The following ANK2 variants were observed in gnomAD, a reference collection of about 807,000 sequenced individuals.
The protein encoded by ANK2 is ankyrin-2.
Under a neutral mutation model 360.5 loss-of-function variants are expected in ANK2, and 83 were observed. The observed-to-expected ratio is 0.23, with a 90% CI of 0.19 to 0.28. The LOEUF (loss-of-function observed/expected upper bound fraction) is 0.28. ANK2 is among the 10% of genes least tolerant of loss of function. ANK2 has a pLI of 1.00. For missense variants in ANK2, 4,201 were observed against 4,795.7 expected, an observed-to-expected ratio of 0.88 and a Z score of 3.66; for synonymous variants, 1,740 against 1,759.5, an observed-to-expected ratio of 0.99 and a Z score of 0.28.
At chr4:113,300,859 T>C (rs960702231) in intron 22 of ANK2, among the ~76,000 whole-genome samples, 1 of 152,208 alleles carries the variant, frequency 6.6e-6, no homozygotes, top group Non-Finnish European at 1.5e-5. Flanking sequence ...TAATCAGTTT[T>C]CTGAAGAAAA....
chr4:112,880,068 T>C (rs73840922), intron 1 of ANK2, among the ~76,000 whole-genome samples: 8,672 of 151,406 alleles, frequency 0.057, 252 homozygotes, highest in Middle Eastern at 0.079. Context: ...ACACACTCTC[T>C]CTCTCTCACA....
intron 9 of ANK2, among the ~76,000 whole-genome samples, chr4:113,245,711 G>A (rs908798226): frequency 6.6e-6 from 1 of 152,144 alleles, no homozygotes; most frequent in Non-Finnish European, 1.5e-5. Context: ...GATTTAGGTG[G>A]TGACGCCTAA....
chr4:112,836,400 A>C (rs1019957278), intron 1 of ANK2, among the ~76,000 whole-genome samples: 3 of 152,166 alleles, frequency 2.0e-5, no homozygotes, highest in African/African-American at 7.2e-5. Flanking sequence ...AATAAAGAGA[A>C]TTGGTACCAA....
At chr4:113,153,065 A>G (rs186576777) in intron 1 of ANK2, among the ~76,000 whole-genome samples, 16 of 152,196 alleles carry the variant, frequency 1.1e-4, no homozygotes, top group African/African-American at 3.4e-4. Flanking sequence ...TGTTGCTGAC[A>G]TACAGTTTAT....
At chr4:112,764,733 G>A in the ANK2 span, among the ~76,000 whole-genome samples, 2 of 145,570 alleles carry the variant, frequency 1.4e-5, no homozygotes, top group African/African-American at 2.6e-5. Flanking sequence ...TTGAGACGGA[G>A]TTTCATTCTT....
chr4:113,300,485 C>T (rs1034215314), intron 22 of ANK2, among the ~76,000 whole-genome samples: 3 of 152,214 alleles, frequency 2.0e-5, no homozygotes, highest in Admixed American at 2.0e-4. Context: ...CAATCTTCCT[C>T]TTAAATGACT....
intron 2 of ANK2, among the ~76,000 whole-genome samples, chr4:112,911,460 G>C (rs571571005): frequency 6.1e-4 from 93 of 151,878 alleles, no homozygotes; most frequent in African/African-American, 2.2e-3. Context: ...GAGGCGGAGC[G>C]TGCAGTGAGC....
intron 10 of ANK2, among the ~76,000 whole-genome samples, chr4:113,250,755 G>GCCC (rs10659682): frequency 0.027 from 1,620 of 59,874 alleles, 288 homozygotes; most frequent in South Asian, 0.045. Context: ...TCATACCACC[G>GCCC]CCCCCCCCCC....
At chr4:112,986,919 A>G (rs2045079341) in intron 2 of ANK2, among the ~76,000 whole-genome samples, 1 of 152,126 alleles carries the variant, frequency 6.6e-6, no homozygotes. Flanking sequence ...ATCCAATTCC[A>G]TTTTTTACAT....
chr4:112,827,089 AAATT>A, intron 1 of ANK2: 1 of 1,139,352 alleles, frequency 8.8e-7, no homozygotes, highest in Non-Finnish European at 1.3e-6. Context: ...AACACAGGAA[AAATT>A]ATGAAGCCTT....
chr4:113,292,625 C>A, intron 21 of ANK2, 111 bp downstream of exon 21: 1 of 1,181,574 alleles, frequency 8.5e-7, no homozygotes, highest in Non-Finnish European at 1.2e-6. Context: ...TAAATAAGCC[C>A]CCTGGACTCT....
intron 17 of ANK2, 58 bp downstream of exon 17, chr4:113,278,616 A>T (rs1355514920): frequency 5.9e-6 from 9 of 1,530,772 alleles, no homozygotes; most frequent in Non-Finnish European, 8.1e-6. Context: ...CTGAAAACAC[A>T]TGAGAATTGT....
intron 15 of ANK2, among the ~76,000 whole-genome samples, 165 bp from the exon 16 acceptor site, chr4:113,277,672 T>C (rs570754609): frequency 3.3e-5 from 5 of 152,376 alleles, no homozygotes; most frequent in African/African-American, 9.6e-5. Flanking sequence ...TGTTAAATTG[T>C]ATTCTTTTTC....
chr4:113,348,672 TAAAA>T (rs2095157456), intron 36 of ANK2, among the ~76,000 whole-genome samples: 1 of 152,224 alleles, frequency 6.6e-6, no homozygotes, highest in Non-Finnish European at 1.5e-5. Flanking sequence ...CTTAGTACAT[TAAAA>T]ATGTACTAAG....
chr4:113,277,750 C>T (rs1259044085), intron 15 of ANK2, 87 bp from the exon 16 acceptor site: 6 of 1,047,064 alleles, frequency 5.7e-6, no homozygotes, highest in East Asian at 2.5e-5. Context: ...AATCAGTATA[C>T]TTTGCTCAAT....
chr4:112,744,702 T>C, the ANK2 span, among the ~76,000 whole-genome samples: 1 of 152,210 alleles, frequency 6.6e-6, no homozygotes, highest in African/African-American at 2.4e-5. Context: ...CATCTTGAAT[T>C]TTAGTATATG....
the ANK2 span, among the ~76,000 whole-genome samples, chr4:112,752,358 A>G: frequency 3.9e-5 from 6 of 152,320 alleles, no homozygotes; most frequent in South Asian, 1.0e-3. Context: ...TTAAATGTTA[A>G]GCAGCAAGTG....
chr4:112,883,610 C>T (rs79927923), intron 1 of ANK2, among the ~76,000 whole-genome samples: 1,946 of 152,094 alleles, frequency 0.013, 42 homozygotes, highest in African/African-American at 0.044. Flanking sequence ...TGTATTCATA[C>T]TGCCTACATT....
At chr4:112,870,084 C>T (rs986715761) in intron 1 of ANK2, among the ~76,000 whole-genome samples, 2 of 151,950 alleles carry the variant, frequency 1.3e-5, no homozygotes, top group African/African-American at 4.8e-5. Flanking sequence ...CTGCAACCTC[C>T]ACCTCCTGGG....
Sources: gnomAD v4.1 joint callset for allele counts (sites outside exome capture counted in the v4.1 genomes callset) on GRCh38, gnomAD v4.1.1 for gene constraint, MANE v1.5 for transcripts, NCBI Gene and HGNC (gene_info 2026-07-23, HGNC 2026-07-21) for gene names.